Variants in TLN1 observed in about 807,000 individuals in gnomAD.
TLN1 encodes talin 1.
Under a neutral mutation model 292.3 loss-of-function variants are expected in TLN1, and 56 were observed. The ratio of observed to expected loss-of-function variants is 0.19; its 90% CI spans 0.15 to 0.24. The LOEUF (loss-of-function observed/expected upper bound fraction) is 0.24. Ranked by LOEUF, TLN1 falls within the 10% of genes least tolerant of loss-of-function variation. The probability of loss-of-function intolerance (pLI) is 1.00; values close to 1 mark genes in which losing one functional copy is unlikely to be tolerated. For synonymous variants in TLN1, 1,119 were observed against 1,253.7 expected (o/e 0.89, Z 2.27); for missense variants, 2,433 against 3,248.2 (o/e 0.75, Z 6.10).
intron 48 of TLN1, among the ~76,000 whole-genome samples, chr9:35,702,811 C>G (rs540189700): frequency 1.3e-5 from 2 of 152,196 alleles, no homozygotes; most frequent in East Asian, 3.9e-4. Context: ...CCATGCCCAG[C>G]AGAAGAAAGA....
Position 35,698,561 on chromosome 9 carries a change from T to C in TLN1, c.7188+56A>G. 6.2e-7 allele frequency: 1 copy of C among 1,613,940 alleles called. No individual in the cohort carries two copies. Among genetic ancestry groups the C allele is most frequent in the Non-Finnish European group, 8.5e-7 (1 of 1,180,006 alleles). On this transcript the variant is annotated intron_variant, in intron 54 of 56. Coordinates refer to ENST00000314888, the MANE Select transcript of TLN1 (RefSeq NM_006289.4). The surrounding 1 kb of genome is among the most constrained non-coding windows in gnomAD (Gnocchi z 5.3). ...GCCCCTTGCCCTGGTCCATCCCCACTCCAGCCTTCTCAAGTCTCTCAAACT... is the reference window on the plus strand; with the variant it reads ...GCCCCTTGCCCTGGTCCATCCCCACCCCAGCCTTCTCAAGTCTCTCAAACT...
At position 35,720,898 on chromosome 9, in the gene TLN1, G is replaced by C. The variant is rs775996667; in HGVS notation, c.1120C>G (p.Gln374Glu). 2 of 1,613,890 alleles carry C rather than the reference G, an allele frequency of 1.2e-6. No homozygotes were observed. The highest frequency in any genetic ancestry group is 1.7e-6 in the Non-Finnish European group (2 of 1,179,824). ...KSFTLDFGDY[Q>E]DGYYSVQTTE... ...GTCTGTACTGAGTAATAGCCATCTT[G>C]GTAATCTCCAAAATCCTAGGGTGAC... Residue 374 changes from glutamine to glutamate, a missense_variant, in exon 11 of 57, where the codon CAA becomes GAA. Gln to Glu is a conservative substitution (Grantham distance 29). Transcript: ENST00000314888.
At position 35,710,804 on chromosome 9, in the gene TLN1, T is replaced by C. The variant is rs1013376748; in HGVS notation, c.4196A>G (p.Asn1399Ser). ...YFGCLDSVME[N>S]SKVLGEAMTG... ...GTTCCTGGCTGTGCTGACCTTTGAG[T>C]TCTCCATTACACTGTCCAGGCAACC... is the stretch of plus-strand genomic sequence containing the variant. The change falls in exon 32 of 57, where the codon AAC becomes AGC. Residue 1399 changes from asparagine to serine, a missense_variant. By Grantham distance (46) the Asn-to-Ser change is conservative (BLOSUM62 1). This residue lies in a region of TLN1 where 1,384 missense variants were observed against 1,699.6 expected (regional missense o/e 0.81). Coordinates refer to ENST00000314888, the MANE Select transcript of TLN1 (RefSeq NM_006289.4). 1 of 1,614,196 alleles carries C rather than the reference T, an allele frequency of 6.2e-7. No individual in the cohort carries two copies. The highest frequency in any genetic ancestry group is 1.7e-5 in the Admixed American group (1 of 60,036).
At position 35,704,649 on chromosome 9, in the gene TLN1, G is replaced by A; in HGVS notation, c.5880+20C>T. 6.2e-7 allele frequency: 1 copy of A among 1,613,236 alleles called. No homozygotes were observed. The highest frequency in any genetic ancestry group is 2.2e-5 in the East Asian group (1 of 44,856). ...GAGTTTGGAGGCAGTCCCACCATCT[G>A]CAGGGATGAGCACCGTCACCTTCTC... On this transcript the variant is annotated intron_variant, in intron 44 of 56. Transcript: ENST00000314888. This position sits in a 1 kb window ranked among gnomAD's most constrained non-coding sequence, Gnocchi z 6.9.
In TLN1 at chr9:35,719,511, C is replaced by T. The variant is rs761952679; in HGVS notation, c.1687+8G>A. The T allele has an allele frequency of 2.4e-5, 39 of 1,611,992 alleles. No homozygotes were observed. The highest frequency in any genetic ancestry group is 1.8e-4 in the South Asian group (16 of 91,044). ...CATCACACACCCGGAAGCTAGCATC[C>T]GGCCTACCTGCTGTCAGGTTCACCA... On this transcript the variant is annotated splice_region_variant and intron_variant, in intron 15 of 56. Transcript: ENST00000314888. This position sits in a 1 kb window ranked among gnomAD's most constrained non-coding sequence, Gnocchi z 4.6.
In TLN1 at chr9:35,714,453, G is replaced by A. The variant is rs919520801; in HGVS notation, c.2986-80C>T. 6.3e-6 allele frequency: 10 copies of A among 1,576,204 alleles called. No individual in the cohort carries two copies. The African/African-American group carries it at 8.1e-5, about 13-fold the overall frequency. On this transcript the variant is annotated intron_variant, in intron 23 of 56. Coordinates refer to ENST00000314888, the MANE Select transcript of TLN1 (RefSeq NM_006289.4). The surrounding 1 kb of genome is among the most constrained non-coding windows in gnomAD (Gnocchi z 4.6). ...TACAAGGACTGATGATGGTCAGGAT[G>A]TAGGGAACACTGGGGCTTGGTATTG...
At position 35,714,214 on chromosome 9, in the gene TLN1, C is replaced by A. The variant is rs533990987; in HGVS notation, c.3120+25G>T. On this transcript the variant is annotated intron_variant, in intron 24 of 56. Transcript: ENST00000314888. The surrounding 1 kb of genome is among the most constrained non-coding windows in gnomAD (Gnocchi z 4.6). ...CATCACAGGACTCCAGCCTCATCTT[C>A]CAAAGCCAGAACCAGCTTCCATACC... The A allele has an allele frequency of 2.6e-5, 42 of 1,598,584 alleles. No homozygotes were observed. In the South Asian group the frequency reaches 4.1e-4, roughly 16 times the overall value.
chr9:35,707,906 T>A lies in TLN1; in HGVS notation c.4471-14A>T. On this transcript the variant is annotated splice_polypyrimidine_tract_variant and intron_variant, in intron 34 of 56. Coordinates refer to ENST00000314888, the MANE Select transcript of TLN1 (RefSeq NM_006289.4). The surrounding 1 kb of genome is among the most constrained non-coding windows in gnomAD (Gnocchi z 5.6). ...TGCAGAGAGCACCTGAGGAGACACA[T>A]GGAAGAGCCACGATGAGGGCAGGAA... 6.2e-7 allele frequency: 1 copy of A among 1,612,312 alleles called. No homozygotes were observed.
chr9:35,707,369 A>C lies in TLN1; in HGVS notation c.4752T>G (p.Ile1584Met). 1 of 1,614,156 alleles carries C rather than the reference A, an allele frequency of 6.2e-7. No individual in the cohort carries two copies. Among genetic ancestry groups the C allele is most frequent in the Non-Finnish European group, 8.5e-7 (1 of 1,180,038 alleles). Residue 1584 changes from isoleucine to methionine, a missense_variant, in exon 36 of 57, where the codon ATT becomes ATG. Ile to Met is a conservative substitution (Grantham distance 10, BLOSUM62 1). Transcript: ENST00000314888. The surrounding 1 kb of genome is among the most constrained non-coding windows in gnomAD (Gnocchi z 5.6). ...TCACCTCAGGGCTGATCTGGGCAGGAATGCTGGAGAACTCAGGGTTGGACG... is the reference window on the plus strand; with the variant it reads ...TCACCTCAGGGCTGATCTGGGCAGGCATGCTGGAGAACTCAGGGTTGGACG... ...AFASNPEFSS[I>M]PAQISPEGRA...
At chr9:35,705,459 A>C in intron 43 of TLN1, 92 bp downstream of exon 43, 1 of 1,329,116 alleles carries the variant, frequency 7.5e-7, no homozygotes, top group Non-Finnish European at 1.0e-6. Context: ...CTTTCTATGA[A>C]AGACCAGAGA....
intron 1 of TLN1, among the ~76,000 whole-genome samples, chr9:35,726,161 G>T (rs944504233): frequency 6.6e-6 from 1 of 152,146 alleles, no homozygotes; most frequent in African/African-American, 2.4e-5. Flanking sequence ...ATCCACCTTG[G>T]CCTCCCCAAG....
In TLN1 at chr9:35,697,620, G is replaced by C; in HGVS notation, c.*171C>G. On this transcript the variant is annotated 3_prime_UTR_variant, in exon 57 of 57. Coordinates refer to ENST00000314888, the MANE Select transcript of TLN1 (RefSeq NM_006289.4). ...TAGGGCATGAAGGCACTTGGGGTTGGGGAGGGGACAGGGGATGTACTGCGG... is the reference window on the plus strand; with the variant it reads ...TAGGGCATGAAGGCACTTGGGGTTGCGGAGGGGACAGGGGATGTACTGCGG... 1.1e-6 allele frequency: 1 copy of C among 946,546 alleles called. No homozygotes were observed. The highest frequency in any genetic ancestry group is 2.5e-5 in the East Asian group (1 of 39,774). 58.6% of individuals were successfully genotyped at this position (946,546 alleles called of 1,614,324 possible).
intron 17 of TLN1, among the ~76,000 whole-genome samples, chr9:35,718,568 A>C (rs1210401164): frequency 6.6e-6 from 1 of 152,164 alleles, no homozygotes; most frequent in African/African-American, 2.4e-5. Context: ...GAGAGAAAAG[A>C]TGACAAGGGG....
At position 35,717,861 on chromosome 9, in the gene TLN1, G is replaced by C. The variant is rs1297908483; in HGVS notation, c.1996-75C>G. ...CAGACACTTCTCAGAGGCGTAAGCT[G>C]CTTCATTATTCCCACTGATCCAATC... On this transcript the variant is annotated intron_variant, in intron 17 of 56. Transcript: ENST00000314888. The surrounding 1 kb of genome is among the most constrained non-coding windows in gnomAD (Gnocchi z 4.7). 6.7e-7 allele frequency: 1 copy of C among 1,496,436 alleles called. No homozygotes were observed. Among genetic ancestry groups the C allele is most frequent in the Admixed American group, 1.9e-5 (1 of 53,604 alleles). The allele number at this position is 1,496,436 out of a possible 1,614,324, so 92.7% of individuals were successfully genotyped here.
chr9:35,707,457 C>T lies in TLN1; in HGVS notation c.4664G>A (p.Arg1555His), dbSNP rs1219317167. The change falls in exon 36 of 57, where the codon CGT (arginine) becomes CAT (histidine). Residue 1555 changes from arginine to histidine, a missense_variant. Arg to His is a conservative substitution (Grantham distance 29). Coordinates refer to ENST00000314888, the MANE Select transcript of TLN1 (RefSeq NM_006289.4). The surrounding 1 kb of genome is among the most constrained non-coding windows in gnomAD (Gnocchi z 5.6). ...ALDGAFTEEN[R>H]AQCRAATAPL... The stretch of plus-strand genomic sequence containing the variant: ...GGCTGTTGCTGCTCGGCACTGGGCA[C>T]GGTTCTCCTCTGTGAAGGCCCCATC... The T allele has an allele frequency of 8.7e-6, 14 of 1,614,026 alleles. No individual in the cohort carries two copies. Among genetic ancestry groups the T allele is most frequent in the East Asian group, 4.5e-5 (2 of 44,898 alleles).
At position 35,708,460 on chromosome 9, in the gene TLN1, C is replaced by A; in HGVS notation, c.4351G>T (p.Asp1451Tyr). The part of the protein sequence containing the change: ...AQAAYLVGVS[D>Y]PNSQAGQQGL... ...TGCTGTCCAGCTTGGCTATTGGGGT[C>A]AGAGACACCAACCAGATATGCAGCC... Residue 1451 changes from aspartate (D) to tyrosine (Y), a missense_variant, in exon 34 of 57, where the codon GAC (aspartate) becomes TAC (tyrosine). Transcript: ENST00000314888. The A allele has an allele frequency of 6.3e-7, 1 of 1,590,364 alleles. No homozygotes were observed. The highest frequency in any genetic ancestry group is 8.6e-7 in the Non-Finnish European group (1 of 1,165,920).
intron 25 of TLN1, among the ~76,000 whole-genome samples, chr9:35,713,550 G>A (rs1825716229): frequency 6.6e-6 from 1 of 152,072 alleles, no homozygotes; most frequent in Non-Finnish European, 1.5e-5. Flanking sequence ...CAGGCGTGGT[G>A]GTGCATGCCT....
Position 35,729,417 on chromosome 9 carries a change from TGGGGAAGTCA to T in TLN1, c.-34+2648_-34+2657del, listed in dbSNP as rs565440866. Reference sequence around the variant, plus strand: ...AGGGGTACCTGCAAGGGAGCAGTGGTGGGGAAGTCAGGGTTAGGATGGAAAGGCAGAGGAA... The same window carrying T: ...AGGGGTACCTGCAAGGGAGCAGTGGTGGGTTAGGATGGAAAGGCAGAGGAA... On this transcript the variant is annotated intron_variant, in intron 1 of 56. Transcript: ENST00000314888. Among the ~76,000 whole-genome samples the T allele has an allele frequency of 4.9e-3, 743 of 152,114 alleles. 1 individual carries two copies. Among genetic ancestry groups the T allele is most frequent in the Non-Finnish European group, 8.9e-3 (602 of 67,986 alleles).
chr9:35,698,139 T>A lies in TLN1; in HGVS notation c.7405A>T (p.Asn2469Tyr), dbSNP rs760702598. The A allele has an allele frequency of 2.5e-6, 4 of 1,613,898 alleles. No individual in the cohort carries two copies. In the African/African-American group the frequency reaches 5.3e-5, roughly 22 times the overall value. Residue 2469 changes from asparagine to tyrosine, a missense_variant, in exon 56 of 57, where the codon AAT (asparagine) becomes TAT (tyrosine). Asn to Tyr is a moderately radical substitution (Grantham distance 143, BLOSUM62 -2). Coordinates refer to ENST00000314888, the MANE Select transcript of TLN1 (RefSeq NM_006289.4). This position sits in a 1 kb window ranked among gnomAD's most constrained non-coding sequence, Gnocchi z 5.3. ...AGNAVKRASD[N>Y]LVKAAQKAAA... is the part of the protein sequence containing the mutation. ...GCCTTCTGTGCTGCTTTCACCAGATTATCTGAGGCTCGCTTCACTGCGTTG... is the reference window on the plus strand; with the variant it reads ...GCCTTCTGTGCTGCTTTCACCAGATAATCTGAGGCTCGCTTCACTGCGTTG...
Sources: allele counts gnomAD v4.1 joint callset (sites outside exome capture counted in the v4.1 genomes callset), GRCh38; gene constraint gnomAD v4.1.1; regional missense constraint gnomAD v4.1.1; non-coding constraint Gnocchi (gnomAD v3.1); transcripts MANE v1.5; gene names NCBI Gene and HGNC (gene_info 2026-07-23, HGNC 2026-07-21).